Variants in GABRB2 observed in about 807,000 individuals in gnomAD.
The protein encoded by GABRB2 is gamma-aminobutyric acid type A receptor subunit beta2, also known as gamma-aminobutyric acid receptor subunit beta-2.
A neutral mutation model predicts 54.7 loss-of-function variants in GABRB2; 16 were observed. The ratio of observed to expected loss-of-function variants is 0.29; its 90% CI spans 0.20 to 0.44. GABRB2 has a LOEUF of 0.44. Ranked by LOEUF, GABRB2 falls within the 20% of genes least tolerant of loss-of-function variation. The pLI, the probability that GABRB2 is intolerant of heterozygous loss-of-function variation, is 1.00. For missense variants in GABRB2, 355 were observed against 644.0 expected (o/e 0.55, Z 4.86); for synonymous variants, 244 against 233.8 (o/e 1.04, Z -0.40).
At chr5:161,338,117 A>AT (rs927134807) in intron 5 of GABRB2, among the ~76,000 whole-genome samples, 11 of 151,740 alleles carry the variant, frequency 7.2e-5, no homozygotes, top group African/African-American at 2.2e-4. Flanking sequence ...GTAGAAACAA[A>AT]TTTTTTTTTC....
At chr5:161,421,011 C>A (rs1196246114) in intron 4 of GABRB2, among the ~76,000 whole-genome samples, 1 of 152,132 alleles carries the variant, frequency 6.6e-6, no homozygotes, top group African/African-American at 2.4e-5. Context: ...GGAGCCTTCT[C>A]CCACCACCCA....
intron 8 of GABRB2, 39 bp downstream of exon 8, chr5:161,330,844 G>A (rs747911237): frequency 2.4e-5 from 38 of 1,613,174 alleles, no homozygotes; most frequent in Non-Finnish European, 3.1e-5. Flanking sequence ...ATTCTTCCAT[G>A]AGTTTAAGAA....
intron 5 of GABRB2, among the ~76,000 whole-genome samples, chr5:161,375,911 T>A (rs768562513): frequency 8.5e-5 from 13 of 152,186 alleles, no homozygotes; most frequent in Non-Finnish European, 1.6e-4. Flanking sequence ...GGCTAATCAT[T>A]AGAAAATGTA....
chr5:161,376,548 A>AACTC (rs1755305642), intron 5 of GABRB2, among the ~76,000 whole-genome samples: 2 of 152,184 alleles, frequency 1.3e-5, no homozygotes, highest in African/African-American at 4.8e-5. Context: ...AGGTTGCAGA[A>AACTC]ACTCTAAAAC....
chr5:161,388,186 G>C (rs553457712), intron 5 of GABRB2, among the ~76,000 whole-genome samples: 1 of 151,934 alleles, frequency 6.6e-6, no homozygotes, highest in Non-Finnish European at 1.5e-5. Context: ...GACTTTATGG[G>C]GTGCAAAAAG....
chr5:161,346,381 A>G (rs1174565877), intron 5 of GABRB2, among the ~76,000 whole-genome samples: 1 of 152,118 alleles, frequency 6.6e-6, no homozygotes, highest in East Asian at 1.9e-4. Context: ...AGAGTTTGTT[A>G]ACTCAAAAGT....
chr5:161,318,246 A>G (rs969365578), intron 9 of GABRB2, among the ~76,000 whole-genome samples: 1 of 152,028 alleles, frequency 6.6e-6, no homozygotes, highest in East Asian at 1.9e-4. Flanking sequence ...CAAGGTTAAG[A>G]ATACTATCAT....
At chr5:161,317,083 GA>G (rs112350190) in intron 9 of GABRB2, among the ~76,000 whole-genome samples, 4,056 of 151,512 alleles carry the variant, frequency 0.027, 64 homozygotes, top group Middle Eastern at 0.088. Context: ...GCGTGAGAGA[GA>G]AAAAAAATGA....
rs879727625 is a variant in GABRB2 at position 161,516,040 on chromosome 5, C to G, written c.237+29187G>C. Among the ~76,000 whole-genome samples the G allele has an allele frequency of 8.9e-3, 1,358 of 152,272 alleles. 8 individuals carry two copies. Among genetic ancestry groups the G allele is most frequent in the Non-Finnish European group, 0.013 (882 of 68,016 alleles). On this transcript the variant is annotated intron_variant, in intron 3 of 9. Coordinates refer to ENST00000393959, the MANE Select transcript of GABRB2 (RefSeq NM_001371727.1). The stretch of plus-strand genomic sequence containing the variant: ...AAAATAAGCCTGGACTTTGTAGTGT[C>G]ACTCCTAAGCCTTGGAGTCTTCACT...
intron 5 of GABRB2, among the ~76,000 whole-genome samples, chr5:161,408,360 CTA>C (rs1756406047): frequency 6.6e-6 from 1 of 151,886 alleles, no homozygotes; most frequent in Admixed American, 6.6e-5. Flanking sequence ...GATACACAAT[CTA>C]TATATCTATC....
chr5:161,393,889 C>T (rs886107011), intron 5 of GABRB2, among the ~76,000 whole-genome samples: 3 of 152,152 alleles, frequency 2.0e-5, no homozygotes, highest in Non-Finnish European at 4.4e-5. Context: ...ACCACATTAA[C>T]CATTTTGATC....
chr5:161,537,943 T>G (rs945632885), intron 3 of GABRB2, among the ~76,000 whole-genome samples: 16 of 151,916 alleles, frequency 1.1e-4, no homozygotes, highest in Non-Finnish European at 1.8e-4. Context: ...TGTTATTCTT[T>G]CTGCTTGGAA....
At chr5:161,526,895 C>T (rs17463239) in intron 3 of GABRB2, among the ~76,000 whole-genome samples, 45,377 of 151,134 alleles carry the variant, frequency 0.3, 7,073 homozygotes, top group Admixed American at 0.41. Context: ...AGGAAACATA[C>T]CGTGTCCTTC....
At chr5:161,472,387 T>C (rs1758466668) in intron 3 of GABRB2, among the ~76,000 whole-genome samples, 1 of 151,550 alleles carries the variant, frequency 6.6e-6, no homozygotes, top group African/African-American at 2.4e-5. Flanking sequence ...ATTGCTTCTA[T>C]TACCCTCCAC....
At chr5:161,407,275 C>A (rs1756374081) in intron 5 of GABRB2, among the ~76,000 whole-genome samples, 1 of 152,028 alleles carries the variant, frequency 6.6e-6, no homozygotes, top group Non-Finnish European at 1.5e-5. Flanking sequence ...AGCAGAGTAT[C>A]CCCCTGACTA....
intron 7 of GABRB2, among the ~76,000 whole-genome samples, chr5:161,332,165 C>CAAAAAAA (rs5872708): frequency 2.9e-4 from 20 of 69,372 alleles, no homozygotes; most frequent in East Asian, 4.3e-4. Context: ...GACTCCGTCT[C>CAAAAAAA]AAAAAAAAAA....
intron 5 of GABRB2, among the ~76,000 whole-genome samples, chr5:161,363,088 T>C (rs1408806435): frequency 1.3e-5 from 2 of 152,192 alleles, no homozygotes; most frequent in African/African-American, 2.4e-5. Flanking sequence ...CGTATGTTAA[T>C]TGCGGCACTG....
chr5:161,349,237 T>A (rs1016296112), intron 5 of GABRB2, among the ~76,000 whole-genome samples: 1 of 151,886 alleles, frequency 6.6e-6, no homozygotes, highest in African/African-American at 2.4e-5. Context: ...GGAAAAAAAA[T>A]TCCTTAAATA....
At chr5:161,525,794 T>A (rs1269419586) in intron 3 of GABRB2, among the ~76,000 whole-genome samples, 2 of 151,346 alleles carry the variant, frequency 1.3e-5, no homozygotes, top group Non-Finnish European at 3.0e-5. Context: ...AACTAATGCA[T>A]CTAACTTAAG....
Sources: allele counts gnomAD v4.1 joint callset (sites outside exome capture counted in the v4.1 genomes callset), GRCh38; gene constraint gnomAD v4.1.1; transcripts MANE v1.5; gene names NCBI Gene and HGNC (gene_info 2026-07-23, HGNC 2026-07-21).